The following TENM4 variants were observed in gnomAD, a reference collection of about 807,000 sequenced individuals.
The protein encoded by TENM4 is teneurin-4.
A neutral mutation model predicts 243.3 loss-of-function variants in TENM4; 82 were observed. The ratio of observed to expected loss-of-function variants is 0.34; its 90% CI spans 0.28 to 0.40. The LOEUF (loss-of-function observed/expected upper bound fraction) is 0.40, where lower values mean the gene tolerates loss of function less well. Among genes scored for constraint, TENM4 ranks in the 10% least tolerant of loss-of-function variants. The pLI, the probability that TENM4 is intolerant of heterozygous loss-of-function variation, is 1.00. For synonymous variants in TENM4, 1,412 were observed against 1,456.3 expected (o/e 0.97, Z 0.69); for missense variants, 3,138 against 3,673.3 (o/e 0.85, Z 3.77).
intron 7 of TENM4, among the ~76,000 whole-genome samples, chr11:78,893,775 T>TCACACACACACACACACACACACACA (rs1223569491): frequency 5.5e-4 from 13 of 23,756 alleles, no homozygotes; most frequent in South Asian, 1.3e-3. Context: ...TTTCAGGACT[T>TCACACACACACACACACACACACACA]CACATACACA....
intron 3 of TENM4, among the ~76,000 whole-genome samples, chr11:79,176,591 A>C (rs908282733): frequency 6.6e-6 from 1 of 152,250 alleles, no homozygotes; most frequent in African/African-American, 2.4e-5. Context: ...ACTTTTAATT[A>C]CTTGACACCT....
intron 4 of TENM4, among the ~76,000 whole-genome samples, chr11:79,098,654 G>A (rs79364036): frequency 6.6e-6 from 1 of 152,176 alleles, no homozygotes; most frequent in Non-Finnish European, 1.5e-5. Flanking sequence ...GACGAAAAGT[G>A]TACATCCAAA....
At chr11:79,285,177 G>T (rs1243942449) in intron 2 of TENM4, among the ~76,000 whole-genome samples, 1 of 152,116 alleles carries the variant, frequency 6.6e-6, no homozygotes, top group African/African-American at 2.4e-5. Flanking sequence ...GGCAGAGGTT[G>T]CAGTGAGCCA....
chr11:79,234,177 A>G (rs1455001019), intron 2 of TENM4, among the ~76,000 whole-genome samples: 1 of 152,244 alleles, frequency 6.6e-6, no homozygotes, highest in African/African-American at 2.4e-5. Flanking sequence ...ATAAGCTTGC[A>G]TATGCCTGGC....
In TENM4 at chr11:79,121,595, C is replaced by T. The variant is rs182981959; in HGVS notation, c.-66+27115G>A. Among the ~76,000 whole-genome samples the T allele has an allele frequency of 1.9e-3, 292 of 152,294 alleles. 3 individuals carry two copies. The highest frequency in any genetic ancestry group is 6.6e-3 in the African/African-American group (275 of 41,558). ...CTCTAATTAGCATCTCACAGTTGCA[C>T]AGCCAGGAAGCCCTAGGAATGAGGG... is the stretch of plus-strand genomic sequence containing the variant. On this transcript the variant is annotated intron_variant, in intron 4 of 33. Coordinates refer to ENST00000278550, the MANE Select transcript of TENM4 (RefSeq NM_001098816.3).
At chr11:79,085,355 C>A (rs1462664461) in intron 4 of TENM4, among the ~76,000 whole-genome samples, 2 of 136,158 alleles carry the variant, frequency 1.5e-5, no homozygotes, top group Admixed American at 7.7e-5. Flanking sequence ...CCAGCCTGGG[C>A]GAAAGAGCGA....
chr11:79,124,645 A>ATG (rs35642884), intron 4 of TENM4, among the ~76,000 whole-genome samples: 12,031 of 133,722 alleles, frequency 0.09, 545 homozygotes, highest in Non-Finnish European at 0.1. Context: ...ATATATATAT[A>ATG]TGTGTGTGTG....
chr11:79,393,409 C>T (rs925960293), intron 1 of TENM4, among the ~76,000 whole-genome samples: 7 of 152,180 alleles, frequency 4.6e-5, no homozygotes, highest in Admixed American at 3.3e-4. Flanking sequence ...AGCACCTTCA[C>T]AGGATGCTTT....
At chr11:78,907,238 G>A (rs1856082166) in intron 6 of TENM4, among the ~76,000 whole-genome samples, 3 of 147,638 alleles carry the variant, frequency 2.0e-5, no homozygotes, top group African/African-American at 7.8e-5. Flanking sequence ...TGGTCTGAAT[G>A]GACTCCTTTT....
At chr11:78,775,518 T>C (rs932226081) in intron 17 of TENM4, among the ~76,000 whole-genome samples, 3 of 152,176 alleles carry the variant, frequency 2.0e-5, no homozygotes, top group African/African-American at 7.2e-5. Context: ...ATCCTATAAG[T>C]TTCAGAGGGA....
At chr11:79,357,171 T>C (rs581336) in intron 1 of TENM4, among the ~76,000 whole-genome samples, 31,570 of 152,148 alleles carry the variant, frequency 0.21, 4,035 homozygotes, top group East Asian at 0.3. Flanking sequence ...TTTTAAATGG[T>C]CCACTAAACA....
chr11:79,133,893 T>C (rs117016408), intron 4 of TENM4, among the ~76,000 whole-genome samples: 4,398 of 152,052 alleles, frequency 0.029, 98 homozygotes, highest in Admixed American at 0.062. Context: ...CAACATAATA[T>C]TGAATAGGGA....
chr11:79,073,600 C>A (rs940911075), intron 4 of TENM4, among the ~76,000 whole-genome samples: 14 of 152,148 alleles, frequency 9.2e-5, no homozygotes, highest in Non-Finnish European at 2.1e-4. Context: ...GAATTAGAGG[C>A]GTTGCTCACA....
chr11:78,963,896 T>C (rs921604280), intron 6 of TENM4, among the ~76,000 whole-genome samples: 3 of 151,350 alleles, frequency 2.0e-5, no homozygotes, highest in Non-Finnish European at 1.5e-5. Flanking sequence ...CTGCCTATTT[T>C]TTTTTTCTTT....
chr11:79,143,661 G>T (rs554358962), intron 4 of TENM4, among the ~76,000 whole-genome samples: 4 of 151,280 alleles, frequency 2.6e-5, no homozygotes, highest in African/African-American at 7.3e-5. Flanking sequence ...ATGTATCCTA[G>T]AACTTAAAGT....
intron 15 of TENM4, among the ~76,000 whole-genome samples, chr11:78,793,254 C>A (rs1857095060): frequency 6.6e-6 from 1 of 152,168 alleles, no homozygotes; most frequent in Non-Finnish European, 1.5e-5. Flanking sequence ...AAAACTGATA[C>A]AAGTAGGGGG....
At chr11:79,411,265 C>T (rs1858694423) in intron 1 of TENM4, among the ~76,000 whole-genome samples, 1 of 152,164 alleles carries the variant, frequency 6.6e-6, no homozygotes, top group Non-Finnish European at 1.5e-5. Flanking sequence ...GAGTATTGTC[C>T]TAAAAGCCTG....
At chr11:78,719,810 CA>C (rs1320887841) in intron 25 of TENM4, among the ~76,000 whole-genome samples, 3 of 152,194 alleles carry the variant, frequency 2.0e-5, no homozygotes, top group African/African-American at 7.2e-5. Flanking sequence ...GTCTACATGA[CA>C]AACCTACTCT....
Position 79,246,674 on chromosome 11 carries a change from G to A in TENM4, c.-264-30765C>T, listed in dbSNP as rs976632380. Among the ~76,000 whole-genome samples, 3 of 152,094 alleles carry A rather than the reference G, an allele frequency of 2.0e-5. No homozygotes were observed. The East Asian group carries it at 5.8e-4, about 29-fold the overall frequency. ...GGTCAGATACAGAGAGATATGTATT[G>A]GATGATTCTATTTGTATGAAAAATG... is the stretch of plus-strand genomic sequence containing the variant. On this transcript the variant is annotated intron_variant, in intron 2 of 33. Transcript: ENST00000278550.
Sources: gnomAD v4.1 joint callset for allele counts (sites outside exome capture counted in the v4.1 genomes callset) on GRCh38, gnomAD v4.1.1 for gene constraint, MANE v1.5 for transcripts, NCBI Gene and HGNC (gene_info 2026-07-23, HGNC 2026-07-21) for gene names.